Variants in DSCAM observed in about 807,000 individuals in gnomAD.
DSCAM encodes DS cell adhesion molecule, also known as cell adhesion molecule DSCAM.
A neutral mutation model predicts 217.7 loss-of-function variants in DSCAM; 47 were observed. The ratio of observed to expected loss-of-function variants is 0.22; its 90% confidence interval spans 0.17 to 0.28. DSCAM has a LOEUF of 0.28. Ranked by LOEUF, DSCAM falls within the 10% of genes least tolerant of loss-of-function variation. The pLI, the probability that DSCAM is intolerant of heterozygous loss-of-function variation, is 1.00. For missense variants in DSCAM, 2,080 were observed against 2,618.3 expected (o/e 0.79, Z 4.49); for synonymous variants, 1,056 against 1,015.3 (o/e 1.04, Z -0.76).
chr21:40,144,719 G>C lies in DSCAM; in HGVS notation c.3031C>G (p.His1011Asp). Residue 1011 changes from histidine (H) to aspartate (D), a missense_variant, in exon 17 of 33, where the codon CAT becomes GAT. His to Asp is a moderately conservative substitution (Grantham distance 81). Coordinates refer to ENST00000400454, the MANE Select transcript of DSCAM (RefSeq NM_001389.5). This position sits in a 1 kb window ranked among gnomAD's most constrained non-coding sequence, Gnocchi z 4.8. The stretch of plus-strand genomic sequence containing the variant: ...CCACGGATAATCCCATTTTGCAAAT[G>C]TTTCTTGGGAGCCTAAACAGGAGAG... ...IRVTWKAPKKHLQNGIIRGYQ... is the reference protein window; with the variant it reads ...IRVTWKAPKKDLQNGIIRGYQ... The C allele has an allele frequency of 6.2e-7, 1 of 1,614,210 alleles. No individual in the cohort carries two copies. Among genetic ancestry groups the C allele is most frequent in the East Asian group, 2.2e-5 (1 of 44,878 alleles).
intron 3 of DSCAM, among the ~76,000 whole-genome samples, chr21:40,657,835 C>T (rs762432763): frequency 6.6e-6 from 1 of 152,016 alleles, no homozygotes; most frequent in African/African-American, 2.4e-5. Context: ...GGGAGGCATA[C>T]CAGGGAATGG....
intron 3 of DSCAM, among the ~76,000 whole-genome samples, chr21:40,582,096 T>A (rs1443211990): frequency 2.0e-5 from 3 of 152,170 alleles, no homozygotes; most frequent in Non-Finnish European, 4.4e-5. Flanking sequence ...AAGCCCAGTA[T>A]TTAACGGTAC....
intron 20 of DSCAM, among the ~76,000 whole-genome samples, chr21:40,113,371 G>A (rs997302151): frequency 6.6e-6 from 1 of 152,076 alleles, no homozygotes; most frequent in African/African-American, 2.4e-5. Context: ...AACCCTTCAT[G>A]CTAAAAACTC....
At chr21:40,703,636 G>A (rs1266700830) in intron 2 of DSCAM, among the ~76,000 whole-genome samples, 1 of 152,090 alleles carries the variant, frequency 6.6e-6, no homozygotes, top group Admixed American at 6.5e-5. Flanking sequence ...TTCTTCTGTA[G>A]CTGCTTTTGA....
intron 32 of DSCAM, among the ~76,000 whole-genome samples, chr21:40,040,316 A>AATATC (rs1327235893): frequency 6.6e-6 from 1 of 152,228 alleles, no homozygotes; most frequent in African/African-American, 2.4e-5. Context: ...TCCAGGTCAC[A>AATATC]ATATCATGAG....
intron 16 of DSCAM, among the ~76,000 whole-genome samples, chr21:40,153,495 A>T (rs898910059): frequency 6.6e-6 from 1 of 152,192 alleles, no homozygotes; most frequent in Non-Finnish European, 1.5e-5. Context: ...CCAGGAATGG[A>T]GAGAGGCTCA....
chr21:40,155,612 G>A (rs1421672797), intron 16 of DSCAM, among the ~76,000 whole-genome samples: 1 of 152,118 alleles, frequency 6.6e-6, no homozygotes, highest in East Asian at 1.9e-4. Flanking sequence ...TGGTCATGGG[G>A]CCATGAAAAA....
intron 11 of DSCAM, among the ~76,000 whole-genome samples, chr21:40,249,361 A>G (rs889290280): frequency 6.6e-6 from 1 of 152,038 alleles, no homozygotes; most frequent in African/African-American, 2.4e-5. Flanking sequence ...ATGAGATCTG[A>G]TGGTTTTATC....
intron 3 of DSCAM, among the ~76,000 whole-genome samples, chr21:40,413,131 T>A (rs745806576): frequency 1.3e-5 from 2 of 152,226 alleles, no homozygotes; most frequent in African/African-American, 2.4e-5. Flanking sequence ...AGGCAGAAGT[T>A]TGCTGCAGGG....
At chr21:40,423,913 AT>A (rs1205377344) in intron 3 of DSCAM, among the ~76,000 whole-genome samples, 1 of 152,198 alleles carries the variant, frequency 6.6e-6, no homozygotes, top group African/African-American at 2.4e-5. Context: ...GAGATGCTGG[AT>A]AAACATTTAG....
chr21:40,369,985 C>A (rs975805562), intron 3 of DSCAM, among the ~76,000 whole-genome samples: 9 of 152,194 alleles, frequency 5.9e-5, no homozygotes, highest in Admixed American at 6.5e-5. Flanking sequence ...TATGTCAGCA[C>A]AAAACAATGT....
chr21:40,773,221 G>T (rs1432495642), intron 1 of DSCAM, among the ~76,000 whole-genome samples: 1 of 152,214 alleles, frequency 6.6e-6, no homozygotes, highest in African/African-American at 2.4e-5. Context: ...ATTTCTGAGG[G>T]CTGCCATAAC....
rs554806664 is a variant in DSCAM at position 40,696,294 on chromosome 21, C to T, written c.362-3338G>A. Among the ~76,000 whole-genome samples, 6 of 152,248 alleles carry T rather than the reference C, an allele frequency of 3.9e-5. No homozygotes were observed. The South Asian group carries it at 1.2e-3, about 32-fold the overall frequency. On this transcript the variant is annotated intron_variant, in intron 2 of 32. Transcript: ENST00000400454. ...AAACTGCACACTCCCCATCCCTTCT[C>T]CTTATTCGACCCCAAAAGGAGGAGC...
At chr21:40,468,913 AG>A (rs2145963479) in intron 3 of DSCAM, among the ~76,000 whole-genome samples, 1 of 152,284 alleles carries the variant, frequency 6.6e-6, no homozygotes, top group South Asian at 2.1e-4. Flanking sequence ...AAAGGTGGAA[AG>A]AGTAGGAATG....
At chr21:40,250,368 C>T (rs1049141367) in intron 11 of DSCAM, among the ~76,000 whole-genome samples, 1 of 152,026 alleles carries the variant, frequency 6.6e-6, no homozygotes, top group Non-Finnish European at 1.5e-5. Context: ...AAGGTTGTAT[C>T]AAGACAGGAA....
chr21:40,784,167 A>G (rs559031803), intron 1 of DSCAM, among the ~76,000 whole-genome samples: 16 of 152,030 alleles, frequency 1.1e-4, no homozygotes, highest in African/African-American at 2.9e-4. Context: ...TCCCCACCCA[A>G]ATCTCACCTT....
At chr21:40,112,588 G>A (rs1364154910) in intron 20 of DSCAM, among the ~76,000 whole-genome samples, 3 of 152,124 alleles carry the variant, frequency 2.0e-5, no homozygotes, top group Non-Finnish European at 4.4e-5. Context: ...GAATGAAATA[G>A]AGAAACAAAA....
intron 3 of DSCAM, among the ~76,000 whole-genome samples, chr21:40,678,490 G>A (rs2090365189): frequency 6.6e-6 from 1 of 152,100 alleles, no homozygotes; most frequent in Admixed American, 6.5e-5. Flanking sequence ...ATAGAGATGG[G>A]AGGCTGATCT....
chr21:40,699,616 T>C (rs767224519), intron 2 of DSCAM, among the ~76,000 whole-genome samples: 1 of 151,956 alleles, frequency 6.6e-6, no homozygotes, highest in Non-Finnish European at 1.5e-5. Context: ...GTGGAGAAAA[T>C]TTGAGTAGAT....
Sources: gnomAD v4.1 joint callset for allele counts (sites outside exome capture counted in the v4.1 genomes callset) on GRCh38, gnomAD v4.1.1 for gene constraint, Gnocchi (gnomAD v3.1) non-coding constraint, MANE v1.5 for transcripts, NCBI Gene and HGNC (gene_info 2026-07-23, HGNC 2026-07-21) for gene names.